The following MGMT variants were observed in gnomAD, a reference collection of about 807,000 sequenced individuals.
MGMT encodes O-6-methylguanine-DNA methyltransferase, also known as methylated-DNA--protein-cysteine methyltransferase.
A neutral mutation model predicts 15.9 loss-of-function variants in MGMT; 14 were observed. The observed-to-expected ratio is 0.88, with a 90% confidence interval of 0.58 to 1.37. The LOEUF (loss-of-function observed/expected upper bound fraction) is 1.37, where lower values mean the gene tolerates loss of function less well. MGMT is among the 40% of genes most tolerant of loss of function. The pLI is 0.00. For missense variants in MGMT, 282 were observed against 268.1 expected, an observed-to-expected ratio of 1.05 and a Z score of -0.36; for synonymous variants, 130 against 118.2, an observed-to-expected ratio of 1.10 and a Z score of -0.65.
At chr10:129,641,309 T>C (rs79979748) in intron 2 of MGMT, among the ~76,000 whole-genome samples, 7,313 of 152,268 alleles carry the variant, frequency 0.048, 214 homozygotes, top group Middle Eastern at 0.088. Flanking sequence ...AAAATAACAT[T>C]TAAAGAAATG....
intron 2 of MGMT, among the ~76,000 whole-genome samples, chr10:129,699,761 T>G (rs7090061): frequency 0.96 from 146,233 of 152,196 alleles, 70,301 homozygotes; most frequent in East Asian, 1. Context: ...ATGGAACCCG[T>G]CCTTCTCCAG....
intron 2 of MGMT, among the ~76,000 whole-genome samples, chr10:129,567,715 GA>G (rs1846372787): frequency 6.6e-6 from 1 of 152,168 alleles, no homozygotes; most frequent in Non-Finnish European, 1.5e-5. Flanking sequence ...TTGTGTTCAA[GA>G]GCTACATTTA....
At chr10:129,588,468 G>A (rs1252883533) in intron 2 of MGMT, among the ~76,000 whole-genome samples, 2 of 152,276 alleles carry the variant, frequency 1.3e-5, no homozygotes, top group Non-Finnish European at 2.9e-5. Context: ...GAAGTCTTAC[G>A]TCTTTCCTCC....
At chr10:129,625,669 A>G (rs561202498) in intron 2 of MGMT, among the ~76,000 whole-genome samples, 1 of 152,374 alleles carries the variant, frequency 6.6e-6, no homozygotes, top group East Asian at 1.9e-4. Context: ...AATGCACTGC[A>G]AAGTAAGAAT....
intron 2 of MGMT, among the ~76,000 whole-genome samples, chr10:129,573,822 A>G (rs1846447212): frequency 6.6e-6 from 1 of 152,218 alleles, no homozygotes; most frequent in Non-Finnish European, 1.5e-5. Context: ...GAAAGAGTAT[A>G]AAATCTAGGT....
In MGMT at chr10:129,669,076, T is replaced by C. The variant is rs147698384; in HGVS notation, c.126-38819T>C. On this transcript the variant is annotated intron_variant, in intron 2 of 4. Transcript: ENST00000651593. ...AATTGGCAGTGCTTCCTTAAGTGTTTGTTGGAGCATGCTGCTGAAAGCATC... is the reference window on the plus strand; with the variant it reads ...AATTGGCAGTGCTTCCTTAAGTGTTCGTTGGAGCATGCTGCTGAAAGCATC... 3.3e-3 allele frequency among the ~76,000 whole-genome samples: 503 copies of C among 152,350 alleles called. 3 individuals carry two copies. The highest frequency in any genetic ancestry group is 0.011 in the African/African-American group (450 of 41,588).
At chr10:129,570,322 C>G (rs754461407) in intron 2 of MGMT, among the ~76,000 whole-genome samples, 1 of 152,228 alleles carries the variant, frequency 6.6e-6, no homozygotes, top group Non-Finnish European at 1.5e-5. Flanking sequence ...CAGCAGCACC[C>G]GGGTTCCACC....
intron 1 of MGMT, among the ~76,000 whole-genome samples, chr10:129,508,411 T>G (rs1845646680): frequency 6.6e-6 from 1 of 152,104 alleles, no homozygotes; most frequent in African/African-American, 2.4e-5. Flanking sequence ...AACAGTGTGT[T>G]TGTCAGTTGA....
intron 2 of MGMT, among the ~76,000 whole-genome samples, chr10:129,614,757 G>T (rs1443618625): frequency 2.6e-5 from 4 of 152,142 alleles, no homozygotes; most frequent in African/African-American, 9.7e-5. Context: ...GAAATGTGCT[G>T]TACAAGTTTG....
chr10:129,518,170 C>G (rs1845760022), intron 1 of MGMT, among the ~76,000 whole-genome samples: 1 of 151,964 alleles, frequency 6.6e-6, no homozygotes, highest in Non-Finnish European at 1.5e-5. Context: ...TGGCCAGATG[C>G]TCTGTTTATA....
At chr10:129,567,256 C>G (rs1181053315) in intron 2 of MGMT, among the ~76,000 whole-genome samples, 2 of 152,132 alleles carry the variant, frequency 1.3e-5, no homozygotes, top group South Asian at 2.1e-4. Flanking sequence ...GAAAGTAGTT[C>G]TCAGCTCTAA....
intron 3 of MGMT, among the ~76,000 whole-genome samples, chr10:129,717,324 A>G (rs1848310926): frequency 6.6e-6 from 1 of 152,246 alleles, no homozygotes; most frequent in Admixed American, 6.5e-5. Flanking sequence ...TGAATAGCAG[A>G]TCATCCTTCT....
intron 2 of MGMT, among the ~76,000 whole-genome samples, chr10:129,589,342 G>C (rs1429945000): frequency 6.6e-6 from 1 of 152,192 alleles, no homozygotes; most frequent in Non-Finnish European, 1.5e-5. Context: ...CGGGAGTGTG[G>C]GGCCTGGCAC....
intron 3 of MGMT, among the ~76,000 whole-genome samples, chr10:129,720,740 C>T (rs1848360404): frequency 6.6e-6 from 1 of 152,166 alleles, no homozygotes; most frequent in Admixed American, 6.5e-5. Context: ...GCAGTGCCTG[C>T]CAATGCTGTG....
chr10:129,537,697 A>G (rs1459727727), intron 2 of MGMT, among the ~76,000 whole-genome samples: 1 of 152,228 alleles, frequency 6.6e-6, no homozygotes, highest in East Asian at 1.9e-4. Context: ...AAGACGCTTA[A>G]TTTTGAATTT....
rs369898604 is a variant in MGMT at position 129,725,978 on chromosome 10, G to A, written c.274+17935G>A. Among the ~76,000 whole-genome samples, 28 of 152,206 alleles carry A rather than the reference G, an allele frequency of 1.8e-4. No homozygotes were observed. The East Asian group carries it at 3.3e-3, about 18-fold the overall frequency. ...TCATCTTCCACCAATACCATGTTGC[G>A]TTACAGTTTCCCTCTTCTCACAGAA... On this transcript the variant is annotated intron_variant, in intron 3 of 4. Transcript: ENST00000651593.
intron 2 of MGMT, among the ~76,000 whole-genome samples, chr10:129,621,356 A>G (rs967636372): frequency 2.0e-5 from 3 of 152,202 alleles, no homozygotes; most frequent in Admixed American, 6.5e-5. Context: ...TCTCAAATAC[A>G]TGGTTGTGAC....
chr10:129,551,052 C>T (rs1846151524), intron 2 of MGMT, among the ~76,000 whole-genome samples: 1 of 152,164 alleles, frequency 6.6e-6, no homozygotes, highest in Non-Finnish European at 1.5e-5. Context: ...AGCCCCGTTC[C>T]CTATCAGAAA....
intron 1 of MGMT, among the ~76,000 whole-genome samples, chr10:129,475,743 G>A (rs532436809): frequency 1.3e-5 from 2 of 152,308 alleles, no homozygotes; most frequent in African/African-American, 4.8e-5. Flanking sequence ...CTTCCCACCA[G>A]GACACAGGAG....
Sources: gnomAD v4.1 joint callset for allele counts (sites outside exome capture counted in the v4.1 genomes callset) on GRCh38, gnomAD v4.1.1 for gene constraint, MANE v1.5 for transcripts, NCBI Gene and HGNC (gene_info 2026-07-23, HGNC 2026-07-21) for gene names.